Variants in OR2A7 observed in about 807,000 individuals in gnomAD.
OR2A7 encodes olfactory receptor 2A7.
For synonymous variants in OR2A7, 10 were observed against 147.1 expected (o/e 0.07, Z 6.74); for missense variants, 35 against 359.2 (o/e 0.10, Z 7.30).
At chr7:144,260,307 A>G (rs1207401069) in intron 1 of OR2A7, among the ~76,000 whole-genome samples, 1 of 149,774 alleles carries the variant, frequency 6.7e-6, no homozygotes, top group Non-Finnish European at 1.5e-5. Flanking sequence ...ATGTCAATGT[A>G]GTACACAGTT....
intron 1 of OR2A7, among the ~76,000 whole-genome samples, chr7:144,262,000 T>C (rs1208425211): frequency 1.3e-5 from 2 of 151,842 alleles, no homozygotes; most frequent in African/African-American, 4.8e-5. Flanking sequence ...AGGATCTTGC[T>C]TCTTCAAGTG....
chr7:144,258,895 CAG>C lies in OR2A7; in HGVS notation c.732_733del (p.Val246AspfsTer35), dbSNP rs1275506165. On this transcript the variant is annotated frameshift_variant, in exon 2 of 2. Coordinates refer to ENST00000641841, the MANE Select transcript of OR2A7 (RefSeq NM_001005328.2). LOFTEE classifies it low-confidence loss of function (END_TRUNC). The stretch of plus-strand genomic sequence containing the variant: ...TGTGCCATAAAAGAGTCCAATCACA[CAG>C]AGGTGGGAGAAGCAGGTGCAGAAGG... 1 of 1,613,738 alleles carries C rather than the reference CAG, an allele frequency of 6.2e-7. No homozygotes were observed. Among genetic ancestry groups the C allele is most frequent in the Admixed American group, 1.7e-5 (1 of 59,774 alleles).
intron 1 of OR2A7, among the ~76,000 whole-genome samples, chr7:144,262,767 AC>A (rs1332218084): frequency 7.3e-6 from 1 of 137,880 alleles, no homozygotes; most frequent in Non-Finnish European, 1.5e-5. Flanking sequence ...CTGTAAAAGC[AC>A]AGGGCCAGCT....
At chr7:144,264,577 A>T (rs2052680854) in intron 1 of OR2A7, 124 bp downstream of exon 1, 1 of 151,902 alleles carries the variant, frequency 6.6e-6, no homozygotes, top group South Asian at 2.1e-4. Context: ...ATTATTTTAG[A>T]GTGCACTCCT....
chr7:144,260,579 A>T (rs2128825850), intron 1 of OR2A7, among the ~76,000 whole-genome samples: 1 of 152,070 alleles, frequency 6.6e-6, no homozygotes, highest in South Asian at 2.1e-4. Flanking sequence ...TGCACTGATC[A>T]TCACCTCCAC....
intron 1 of OR2A7, among the ~76,000 whole-genome samples, chr7:144,261,269 G>T (rs1246746757): frequency 6.6e-6 from 1 of 151,550 alleles, no homozygotes; most frequent in African/African-American, 2.4e-5. Flanking sequence ...AAGATTGTGC[G>T]TAATAAGTAA....
At chr7:144,260,125 A>AAG (rs1563087114) in intron 1 of OR2A7, among the ~76,000 whole-genome samples, 1 of 130,028 alleles carries the variant, frequency 7.7e-6, no homozygotes, top group Non-Finnish European at 1.7e-5. Flanking sequence ...AAAAAAAAAA[A>AAG]AAAAAGAAAA....
At chr7:144,264,509 C>T in intron 1 of OR2A7, among the ~76,000 whole-genome samples, 192 bp downstream of exon 1, 1 of 152,066 alleles carries the variant, frequency 6.6e-6, no homozygotes, top group African/African-American at 2.4e-5. Flanking sequence ...GATCTGCCTA[C>T]CTCAGCCTCC....
intron 1 of OR2A7, among the ~76,000 whole-genome samples, chr7:144,259,905 C>G (rs1197376280): frequency 1.5e-5 from 2 of 137,092 alleles, no homozygotes; most frequent in African/African-American, 5.4e-5. Context: ...CTCAGGAGTT[C>G]GAGACCAGCA....
At position 144,258,784 on chromosome 7, in the gene OR2A7, G is replaced by T; in HGVS notation, c.845C>A (p.Pro282His). The T allele has an allele frequency of 6.2e-7, 1 of 1,602,004 alleles. No homozygotes were observed. The highest frequency in any genetic ancestry group is 8.5e-7 in the Non-Finnish European group (1 of 1,171,126). Residue 282 changes from proline (P) to histidine (H), a missense_variant, in exon 2 of 2, where the codon CCC (proline) becomes CAC (histidine). Physicochemically the swap from Pro to His is moderately conservative, Grantham distance 77. Coordinates refer to ENST00000641841, the MANE Select transcript of OR2A7 (RefSeq NM_001005328.2). The stretch of plus-strand genomic sequence containing the variant: ...ACTACAGATAAGGGGATTGAGCATG[G>T]GATTAAAGAGGCTGTGAAACAGCAG... Reference protein sequence around the residue: ...YLLLFHSLFNPMLNPLICSLR... With the variant: ...YLLLFHSLFNHMLNPLICSLR...
intron 1 of OR2A7, among the ~76,000 whole-genome samples, chr7:144,260,808 G>A (rs1400171270): frequency 6.6e-6 from 1 of 150,880 alleles, no homozygotes; most frequent in Non-Finnish European, 1.5e-5. Flanking sequence ...AGAATACACA[G>A]TTTTAAGCAT....
intron 1 of OR2A7, among the ~76,000 whole-genome samples, chr7:144,260,451 A>G (rs543549047): frequency 6.6e-6 from 1 of 151,562 alleles, no homozygotes; most frequent in Admixed American, 6.7e-5. Context: ...AAAGTCTTAA[A>G]ACCACATTAA....
In OR2A7 at chr7:144,259,536, G is replaced by A. The variant is rs375690859; in HGVS notation, c.93C>T (p.Ser31=). ...RIQMLLFGLF[S]LFYVFTLLGN... is the part of the protein sequence containing the mutation. ...CCAGCAGGGTGAAGACGTAGAACAG[G>A]GAGAAGAGCCCAAAGAGGAGCATCT... The change falls in exon 2 of 2, where the codon TCC becomes TCT. Residue 31 remains serine (S), a synonymous_variant. Transcript: ENST00000641841. 30 of 1,608,622 alleles carry A rather than the reference G, an allele frequency of 1.9e-5. No homozygotes were observed. In the African/African-American group the frequency reaches 3.6e-4, roughly 20 times the overall value.
chr7:144,262,056 A>G (rs2052654175), intron 1 of OR2A7, among the ~76,000 whole-genome samples: 1 of 151,654 alleles, frequency 6.6e-6, no homozygotes, highest in Admixed American at 6.7e-5. Flanking sequence ...TCCACAGAGT[A>G]CCTTCCAATT....
rs1162605720 is a variant in OR2A7, at chr7:144,260,111, G to GA, written c.-4-480dup. On this transcript the variant is annotated intron_variant, in intron 1 of 1. Coordinates refer to ENST00000641841, the MANE Select transcript of OR2A7 (RefSeq NM_001005328.2). Reference sequence around the variant, plus strand: ...GTGACAGAGCCAGACTCTGTCTCCAGAAAAAAAAAAAAAAAAAAAGAAAAG... The same window carrying GA: ...GTGACAGAGCCAGACTCTGTCTCCAGAAAAAAAAAAAAAAAAAAAAGAAAAG... Among the ~76,000 whole-genome samples the GA allele has an allele frequency of 5.5e-3, 481 of 87,600 alleles. 33 individuals are homozygous for GA. The highest frequency in any genetic ancestry group is 8.6e-3 in the Non-Finnish European group (377 of 43,840). The allele number at this position is 87,600 out of a possible 152,430, so 57.5% of individuals were successfully genotyped here. A position where few individuals can be genotyped will look rare whatever the true frequency, so the allele number is the denominator to read the frequency against.
rs1260820128 is a variant in OR2A7 at position 144,259,270 on chromosome 7, T to C, written c.359A>G (p.Asp120Gly). 2.3e-6 allele frequency: 2 copies of C among 856,536 alleles called. No individual in the cohort carries two copies. The highest frequency in any genetic ancestry group is 1.8e-6 in the Non-Finnish European group (1 of 568,192). 53.1% of individuals were successfully genotyped at this position (856,536 alleles called of 1,614,324 possible). ...ECLLLVVMSY[D>G]LYVAICHPLR... ...GGGGTGGCAGATGGCCACGTACAGA[T>C]CATAGGACATCACCACCAGGAGGAG... The change falls in exon 2 of 2, where the codon GAT becomes GGT. Residue 120 changes from aspartate to glycine, a missense_variant. Physicochemically the swap from Asp to Gly is moderately conservative, Grantham distance 94 (BLOSUM62 -1). Transcript: ENST00000641841.
At chr7:144,261,445 C>T (rs539782868) in intron 1 of OR2A7, among the ~76,000 whole-genome samples, 1 of 151,274 alleles carries the variant, frequency 6.6e-6, no homozygotes, top group African/African-American at 2.4e-5. Flanking sequence ...TGAAACCAGC[C>T]TGGGCAGCAT....
intron 1 of OR2A7, among the ~76,000 whole-genome samples, chr7:144,259,934 C>G (rs2052620483): frequency 7.4e-6 from 1 of 135,316 alleles, no homozygotes; most frequent in Non-Finnish European, 1.6e-5. Flanking sequence ...ACGGTGAAAC[C>G]CCATTTCTAC....
Position 144,261,252 on chromosome 7 carries a change from G to T in OR2A7, c.-4-1620C>A, listed in dbSNP as rs1299231868. 1.1e-4 allele frequency among the ~76,000 whole-genome samples: 16 copies of T among 151,674 alleles called. 2 individuals carry two copies. Among genetic ancestry groups the T allele is most frequent in the Admixed American group, 9.3e-4 (14 of 15,052 alleles). ...TCCTAATCATCGCTCAGATTGTGTG[G>T]CCTCGTAAGATTGTGCGTAATAAGT... On this transcript the variant is annotated intron_variant, in intron 1 of 1. Coordinates refer to ENST00000641841, the MANE Select transcript of OR2A7 (RefSeq NM_001005328.2).
Sources: allele counts gnomAD v4.1 joint callset (sites outside exome capture counted in the v4.1 genomes callset), GRCh38; gene constraint gnomAD v4.1.1; transcripts MANE v1.5; gene names NCBI Gene and HGNC (gene_info 2026-07-23, HGNC 2026-07-21).